KCNH5: variants seen among roughly 807,000 people sequenced by gnomAD.
KCNH5 encodes the protein potassium voltage-gated channel subfamily H member 5, also known as voltage-gated delayed rectifier potassium channel KCNH5.
Under a neutral mutation model 96.1 loss-of-function variants are expected in KCNH5, and 46 were observed. The observed-to-expected ratio is 0.48, with a 90% CI of 0.38 to 0.61. The LOEUF is 0.61. Among genes scored for constraint, KCNH5 ranks in the 20% least tolerant of loss-of-function variants. KCNH5 has a pLI of 0.00. For missense variants in KCNH5, 907 were observed against 1,225.8 expected, an observed-to-expected ratio of 0.74 and a Z score of 3.88; for synonymous variants, 439 against 449.8, an observed-to-expected ratio of 0.98 and a Z score of 0.30.
At chr14:62,913,072 T>C (rs769838775) in intron 7 of KCNH5, among the ~76,000 whole-genome samples, 2 of 152,218 alleles carry the variant, frequency 1.3e-5, no homozygotes, top group African/African-American at 2.4e-5. Flanking sequence ...GTTAAAATTT[T>C]TGTCTAAGGA....
At chr14:62,977,207 T>A (rs993310180) in intron 6 of KCNH5, among the ~76,000 whole-genome samples, 1 of 151,546 alleles carries the variant, frequency 6.6e-6, no homozygotes, top group South Asian at 2.1e-4. Flanking sequence ...ACTAAAAAAA[T>A]TTAAAAAAAA....
intron 1 of KCNH5, among the ~76,000 whole-genome samples, chr14:63,034,430 T>C (rs1891684814): frequency 6.6e-6 from 1 of 152,210 alleles, no homozygotes; most frequent in Non-Finnish European, 1.5e-5. Flanking sequence ...TCTATGTCAA[T>C]GACAGAATGT....
chr14:62,856,778 A>C (rs936818058), intron 7 of KCNH5, among the ~76,000 whole-genome samples: 2 of 149,170 alleles, frequency 1.3e-5, no homozygotes, highest in Non-Finnish European at 3.0e-5. Flanking sequence ...GGCAATTTCT[A>C]TTTTCCAATC....
At chr14:62,840,216 T>C (rs1161727977) in intron 8 of KCNH5, among the ~76,000 whole-genome samples, 1 of 152,182 alleles carries the variant, frequency 6.6e-6, no homozygotes. Flanking sequence ...TTCTTAAATT[T>C]ATATATGCCA....
intron 7 of KCNH5, among the ~76,000 whole-genome samples, chr14:62,878,366 GA>G (rs569196748): frequency 6.6e-6 from 1 of 150,908 alleles, no homozygotes; most frequent in Non-Finnish European, 1.5e-5. Context: ...AATAAAAAAA[GA>G]AAAAAAAGAA....
chr14:62,844,053 G>A (rs561061818), intron 8 of KCNH5, among the ~76,000 whole-genome samples: 1 of 152,022 alleles, frequency 6.6e-6, no homozygotes, highest in Non-Finnish European at 1.5e-5. Flanking sequence ...ATTTTAAAAC[G>A]TTCAAAATTT....
intron 8 of KCNH5, among the ~76,000 whole-genome samples, chr14:62,848,601 C>T (rs546508019): frequency 8.5e-5 from 13 of 152,288 alleles, no homozygotes; most frequent in Non-Finnish European, 1.9e-4. Context: ...TCAACCTATT[C>T]CTAACAACAC....
At chr14:62,725,686 G>A (rs765908840) in intron 10 of KCNH5, among the ~76,000 whole-genome samples, 2 of 152,208 alleles carry the variant, frequency 1.3e-5, no homozygotes, top group Non-Finnish European at 2.9e-5. Flanking sequence ...GATAGGTCAT[G>A]TCTATGGTTT....
rs113255509 is a variant in KCNH5 at position 63,040,484 on chromosome 14, A to C, written c.73+4630T>G. Among the ~76,000 whole-genome samples the C allele has an allele frequency of 4.8e-3, 730 of 152,260 alleles. 7 individuals carry two copies. The highest frequency in any genetic ancestry group is 0.016 in the African/African-American group (661 of 41,570). On this transcript the variant is annotated intron_variant, in intron 1 of 10. Coordinates refer to ENST00000322893, the MANE Select transcript of KCNH5 (RefSeq NM_139318.5). ...AACCTCTTTGATATTTTAAATGTTA[A>C]AGTGGTACATTATAAGACCTGAGTA...
At chr14:62,825,078 G>A (rs1452180922) in intron 8 of KCNH5, among the ~76,000 whole-genome samples, 2 of 152,038 alleles carry the variant, frequency 1.3e-5, no homozygotes, top group Non-Finnish European at 2.9e-5. Flanking sequence ...ATGGGTGTAC[G>A]TGTCTTTTCA....
chr14:62,909,528 C>T lies in KCNH5; in HGVS notation c.1369+40605G>A, dbSNP rs188973737. ...TTGCTCAGGCCAAAAACCTCAACCT[C>T]TCTCTCTCTTCCTCTCACACCTTGT... On this transcript the variant is annotated intron_variant, in intron 7 of 10. Transcript: ENST00000322893. Among the ~76,000 whole-genome samples, 651 of 152,196 alleles carry T rather than the reference C, an allele frequency of 4.3e-3. 1 individual carries two copies. The highest frequency in any genetic ancestry group is 0.02 in the Middle Eastern group (6 of 294).
chr14:62,761,385 A>T (rs903475899), intron 10 of KCNH5, among the ~76,000 whole-genome samples: 1 of 151,410 alleles, frequency 6.6e-6, no homozygotes, highest in African/African-American at 2.4e-5. Context: ...ATTATGGTCC[A>T]TTGTAATGTG....
In KCNH5 at chr14:62,786,657, T is replaced by C. The variant is rs573558330; in HGVS notation, c.1823-6733A>G. On this transcript the variant is annotated intron_variant, in intron 9 of 10. Transcript: ENST00000322893. ...ATTATGTTTTTTACAAATTGAAGGT[T>C]TGTGGCAACTCAGTGTCGAACAAGT... 2.6e-5 allele frequency among the ~76,000 whole-genome samples: 4 copies of C among 152,326 alleles called. No individual in the cohort carries two copies. In the East Asian group the frequency reaches 7.7e-4, roughly 29 times the overall value.
At chr14:62,776,304 T>C (rs1361150637) in intron 10 of KCNH5, among the ~76,000 whole-genome samples, 1 of 151,234 alleles carries the variant, frequency 6.6e-6, no homozygotes, top group Non-Finnish European at 1.5e-5. Flanking sequence ...AGTGACTTGG[T>C]GCCCTTATAA....
intron 8 of KCNH5, among the ~76,000 whole-genome samples, chr14:62,820,456 C>T (rs1887092285): frequency 1.3e-5 from 2 of 151,728 alleles, no homozygotes; most frequent in African/African-American, 4.8e-5. Context: ...GCCTAATACC[C>T]ATTAGTTATT....
In KCNH5 at chr14:62,738,100, T is replaced by C. The variant is rs555527812; in HGVS notation, c.2020-29645A>G. ...GGGCCATTATTAAATAAAATAAAGATCATTTGAACACAAGCACTGTGATAC... is the reference window on the plus strand; with the variant it reads ...GGGCCATTATTAAATAAAATAAAGACCATTTGAACACAAGCACTGTGATAC... On this transcript the variant is annotated intron_variant, in intron 10 of 10. Coordinates refer to ENST00000322893, the MANE Select transcript of KCNH5 (RefSeq NM_139318.5). Among the ~76,000 whole-genome samples, 3 of 152,140 alleles carry C rather than the reference T, an allele frequency of 2.0e-5. No individual in the cohort carries two copies. The East Asian group carries it at 5.8e-4, about 29-fold the overall frequency.
rs778279317 is a variant in KCNH5, at chr14:62,987,064, A to T, written c.549+8T>A. On this transcript the variant is annotated splice_region_variant and intron_variant, in intron 5 of 10. Transcript: ENST00000322893. The stretch of plus-strand genomic sequence containing the variant: ...CATCTTGGGAAGCAAAATTCATCTC[A>T]TACTTACTTCAGCTAGTCTTGAATG... 6.3e-7 allele frequency: 1 copy of T among 1,595,960 alleles called. No individual in the cohort carries two copies. The highest frequency in any genetic ancestry group is 2.2e-5 in the East Asian group (1 of 44,774).
At chr14:62,755,739 C>T (rs1885608084) in intron 10 of KCNH5, among the ~76,000 whole-genome samples, 1 of 152,162 alleles carries the variant, frequency 6.6e-6, no homozygotes, top group Admixed American at 6.6e-5. Flanking sequence ...TTCAACAACA[C>T]ATTTAAAAGT....
chr14:62,787,567 C>G (rs889552286), intron 9 of KCNH5, among the ~76,000 whole-genome samples: 6 of 152,124 alleles, frequency 3.9e-5, no homozygotes, highest in Non-Finnish European at 5.9e-5. Context: ...GATGAAACAG[C>G]CTTCTATTAA....
Sources: allele counts gnomAD v4.1 joint callset (sites outside exome capture counted in the v4.1 genomes callset), GRCh38; gene constraint gnomAD v4.1.1; transcripts MANE v1.5; gene names NCBI Gene and HGNC (gene_info 2026-07-23, HGNC 2026-07-21).